SPIDR: variants seen among roughly 807,000 people sequenced by gnomAD.
SPIDR encodes the protein DNA repair-scaffolding protein.
SPIDR carries 93 observed loss-of-function variants against 104.6 expected under a neutral mutation model. The ratio of observed to expected loss-of-function variants is 0.89; its 90% confidence interval spans 0.75 to 1.06. The LOEUF (loss-of-function observed/expected upper bound fraction) is 1.06. SPIDR is among the 50% of genes least tolerant of loss of function. The pLI is 0.00. For missense variants in SPIDR, 1,154 were observed against 1,111.2 expected (o/e 1.04, Z -0.55); for synonymous variants, 431 against 416.9 (o/e 1.03, Z -0.41).
At chr8:47,577,670 C>T (rs1487262376) in intron 8 of SPIDR, among the ~76,000 whole-genome samples, 1 of 152,080 alleles carries the variant, frequency 6.6e-6, no homozygotes, top group Non-Finnish European at 1.5e-5. Flanking sequence ...TTGTAGACAT[C>T]TAGGAACAAC....
At chr8:47,719,125 A>G (rs1200294609) in intron 16 of SPIDR, among the ~76,000 whole-genome samples, 3 of 152,138 alleles carry the variant, frequency 2.0e-5, no homozygotes, top group South Asian at 4.1e-4. Context: ...AGGCCTCTCA[A>G]CGTCAGTTAG....
chr8:47,617,085 C>CT (rs1459172081), intron 10 of SPIDR, among the ~76,000 whole-genome samples: 2 of 152,030 alleles, frequency 1.3e-5, no homozygotes, highest in Admixed American at 1.3e-4. Context: ...AAAAGATTGC[C>CT]TACATAAAAT....
At chr8:47,305,766 G>A (rs2042994320) in intron 5 of SPIDR, among the ~76,000 whole-genome samples, 5 of 152,156 alleles carry the variant, frequency 3.3e-5, no homozygotes. Flanking sequence ...TAATGCCTAA[G>A]AACTGCCCAT....
chr8:47,378,786 A>C (rs144112934), intron 5 of SPIDR, among the ~76,000 whole-genome samples: 1,534 of 152,338 alleles, frequency 0.01, 13 homozygotes, highest in Non-Finnish European at 0.015. Flanking sequence ...GCACTTGCCA[A>C]AAGTCCAGCC....
chr8:47,656,065 G>T (rs903336880), intron 10 of SPIDR, among the ~76,000 whole-genome samples: 2 of 152,102 alleles, frequency 1.3e-5, no homozygotes, highest in Non-Finnish European at 2.9e-5. Context: ...AAAAATTACT[G>T]CAAAATGAAT....
At chr8:47,620,273 CTTT>C (rs61006472) in intron 10 of SPIDR, among the ~76,000 whole-genome samples, 30 of 82,890 alleles carry the variant, frequency 3.6e-4, no homozygotes, top group East Asian at 8.0e-4. Flanking sequence ...CCATTTAAAC[CTTT>C]TTTTTTTTTT....
intron 4 of SPIDR, among the ~76,000 whole-genome samples, chr8:47,292,403 T>C (rs2154238783): frequency 6.6e-6 from 1 of 152,352 alleles, no homozygotes; most frequent in Admixed American, 6.5e-5. Context: ...AGTTCTATTA[T>C]TGATTCAACC....
intron 8 of SPIDR, among the ~76,000 whole-genome samples, chr8:47,442,488 G>T (rs980141253): frequency 6.6e-6 from 1 of 152,160 alleles, no homozygotes; most frequent in African/African-American, 2.4e-5. Flanking sequence ...GGCTTTAAAG[G>T]TAGTGTCTGG....
At chr8:47,462,118 AG>A (rs1478469006) in intron 8 of SPIDR, among the ~76,000 whole-genome samples, 1 of 152,098 alleles carries the variant, frequency 6.6e-6, no homozygotes, top group Non-Finnish European at 1.5e-5. Flanking sequence ...CCCTTGATGT[AG>A]TACTCTCTGC....
chr8:47,393,925 C>G (rs1273585689), intron 5 of SPIDR, among the ~76,000 whole-genome samples: 2 of 151,036 alleles, frequency 1.3e-5, no homozygotes, highest in African/African-American at 4.9e-5. Context: ...TCCCCTGCTT[C>G]CTTTCTTCTC....
chr8:47,666,289 C>T (rs2074923201), intron 10 of SPIDR, among the ~76,000 whole-genome samples: 1 of 152,218 alleles, frequency 6.6e-6, no homozygotes, highest in South Asian at 2.1e-4. Context: ...CATTAGACAA[C>T]ATAGACATAG....
intron 5 of SPIDR, among the ~76,000 whole-genome samples, chr8:47,352,205 A>G (rs1185296133): frequency 1.3e-4 from 19 of 151,008 alleles, no homozygotes; most frequent in African/African-American, 4.6e-4. Context: ...TGAACCCGGG[A>G]GGCGGAGGTC....
chr8:47,388,837 A>G (rs143104702), intron 5 of SPIDR, among the ~76,000 whole-genome samples: 1,753 of 152,328 alleles, frequency 0.012, 37 homozygotes, highest in African/African-American at 0.04. Flanking sequence ...AACTTTGGAA[A>G]CGGAGCCAGT....
At chr8:47,530,430 C>T (rs1046797554) in intron 8 of SPIDR, among the ~76,000 whole-genome samples, 1 of 151,746 alleles carries the variant, frequency 6.6e-6, no homozygotes, top group South Asian at 2.1e-4. Context: ...GGTGACACTG[C>T]GAGACTCTGT....
chr8:47,502,146 C>T (rs1322265195), intron 8 of SPIDR, among the ~76,000 whole-genome samples: 2 of 152,194 alleles, frequency 1.3e-5, no homozygotes, highest in Non-Finnish European at 2.9e-5. Context: ...CAGGATGATG[C>T]TGGCCTCATA....
intron 11 of SPIDR, among the ~76,000 whole-genome samples, chr8:47,699,078 G>T (rs939984544): frequency 1.3e-5 from 2 of 152,114 alleles, no homozygotes; most frequent in Non-Finnish European, 2.9e-5. Context: ...ATTTTACTCT[G>T]TTTCTTCACA....
At chr8:47,482,507 G>A (rs1316260185) in intron 8 of SPIDR, among the ~76,000 whole-genome samples, 2 of 152,140 alleles carry the variant, frequency 1.3e-5, no homozygotes, top group East Asian at 3.9e-4. Flanking sequence ...GCATTCTCAT[G>A]TGCAGGGCCA....
chr8:47,734,912 C>T (rs2085935654), intron 19 of SPIDR, among the ~76,000 whole-genome samples: 2 of 152,198 alleles, frequency 1.3e-5, no homozygotes, highest in Non-Finnish European at 2.9e-5. Context: ...ACCAGGAAAT[C>T]CCTCAACCGG....
intron 11 of SPIDR, among the ~76,000 whole-genome samples, chr8:47,676,651 C>T (rs1191763332): frequency 6.6e-6 from 1 of 152,164 alleles, no homozygotes; most frequent in Non-Finnish European, 1.5e-5. Flanking sequence ...ATTTCAGTAT[C>T]TAATACCGAA....
Sources: allele counts gnomAD v4.1 joint callset (sites outside exome capture counted in the v4.1 genomes callset), GRCh38; gene constraint gnomAD v4.1.1; transcripts MANE v1.5; gene names NCBI Gene and HGNC (gene_info 2026-07-23, HGNC 2026-07-21).